FAM149A: variants seen among roughly 807,000 people sequenced by gnomAD.
FAM149A encodes the protein protein FAM149A.
A neutral mutation model predicts 78.2 loss-of-function variants in FAM149A; 71 were observed. The observed-to-expected ratio is 0.91, with a 90% confidence interval of 0.75 to 1.11. The LOEUF (loss-of-function observed/expected upper bound fraction) is 1.11, where lower values mean the gene tolerates loss of function less well. Ranked by LOEUF, FAM149A falls within the 50% of genes least tolerant of loss-of-function variation. FAM149A has a pLI of 0.00. For missense variants in FAM149A, 1,036 were observed against 971.0 expected (o/e 1.07, Z -0.89); for synonymous variants, 446 against 410.5 (o/e 1.09, Z -1.04).
intron 1 of FAM149A, chr4:186,109,522 T>C (rs1052782959): frequency 1.0e-6 from 1 of 985,286 alleles, no homozygotes; most frequent in Non-Finnish European, 1.2e-6. Context: ...AACCGATTGC[T>C]AGCTGAGTAA....
chr4:186,171,245 C>T (rs4862655), intron 13 of FAM149A: 60,508 of 152,290 alleles, frequency 0.4, 14,526 homozygotes, highest in Non-Finnish European at 0.55. Flanking sequence ...GCATCCAACA[C>T]GGCCCGGCTC....
chr4:186,109,663 TAAA>T (rs909218278), intron 1 of FAM149A: 6 of 984,206 alleles, frequency 6.1e-6, no homozygotes, highest in Non-Finnish European at 2.4e-6. Context: ...GGAGAAATGC[TAAA>T]AAAGTGTTAT....
chr4:186,169,605 C>T (rs558710128), intron 13 of FAM149A: 26 of 985,432 alleles, frequency 2.6e-5, no homozygotes, highest in East Asian at 1.1e-4. Context: ...CAGCACACCA[C>T]GATCTAATAG....
intron 1 of FAM149A, chr4:186,109,812 C>CT: frequency 1.0e-6 from 1 of 985,094 alleles, no homozygotes; most frequent in Non-Finnish European, 1.2e-6. Context: ...TAAATGGTGT[C>CT]TTTTAGTTCA....
intron 1 of FAM149A, among the ~76,000 whole-genome samples, chr4:186,121,266 G>A (rs1311708904): frequency 6.6e-6 from 1 of 152,092 alleles, no homozygotes; most frequent in Non-Finnish European, 1.5e-5. Flanking sequence ...CTGCACGTCA[G>A]CATTTTCTTA....
At position 186,104,750 on chromosome 4, in the gene FAM149A, C is replaced by CGGGCGGT. The variant is rs2099308072; in HGVS notation, c.-321_-320insTGGGCGG. On this transcript the variant is annotated 5_prime_UTR_variant, in exon 1 of 14. Coordinates refer to ENST00000389354, the MANE Select transcript of FAM149A (RefSeq NM_001367768.3). ...TGTTGAACGTAGCAACCGCGGGCGG[C>CGGGCGGT]GGGCGGCGGGCGGCGGGCGTCTGGG... Among the ~76,000 whole-genome samples the CGGGCGGT allele has an allele frequency of 9.7e-6, 1 of 102,966 alleles. No homozygotes were observed. 67.5% of individuals were successfully genotyped at this position (102,966 alleles called of 152,430 possible).
intron 11 of FAM149A, among the ~76,000 whole-genome samples, chr4:186,166,231 G>C (rs1293902784): frequency 6.6e-6 from 1 of 152,160 alleles, no homozygotes; most frequent in African/African-American, 2.4e-5. Flanking sequence ...CATAGTGAGA[G>C]AAAAACCCTA....
intron 1 of FAM149A, among the ~76,000 whole-genome samples, chr4:186,147,208 C>A (rs573284470): frequency 6.6e-6 from 1 of 152,182 alleles, no homozygotes; most frequent in African/African-American, 2.4e-5. Flanking sequence ...TATAGTGAGA[C>A]CCCATCTCTA....
intron 1 of FAM149A, chr4:186,130,257 T>C (rs1234566152): frequency 3.6e-5 from 2 of 55,936 alleles, no homozygotes; most frequent in African/African-American, 1.1e-4. Flanking sequence ...AATTGGACTT[T>C]ATGAAATCTC....
chr4:186,114,026 T>C (rs1483279790), intron 1 of FAM149A, among the ~76,000 whole-genome samples: 1 of 135,578 alleles, frequency 7.4e-6, no homozygotes, highest in Non-Finnish European at 1.6e-5. Context: ...TGTGTGGGAG[T>C]CTAAGTCTCT....
chr4:186,154,278 T>C (rs1733853707), intron 5 of FAM149A, among the ~76,000 whole-genome samples, 190 bp from the exon 6 acceptor site: 1 of 152,226 alleles, frequency 6.6e-6, no homozygotes, highest in African/African-American at 2.4e-5. Context: ...AAGAAGCCCT[T>C]AAAATGTTTA....
chr4:186,152,364 T>A (rs1278719021), intron 4 of FAM149A, among the ~76,000 whole-genome samples: 2 of 152,088 alleles, frequency 1.3e-5, no homozygotes, highest in African/African-American at 4.8e-5. Context: ...GCAGCACATG[T>A]CTGTCTTCAT....
chr4:186,158,454 A>G (rs1270510078), intron 8 of FAM149A: 1 of 1,143,342 alleles, frequency 8.7e-7, no homozygotes, highest in Non-Finnish European at 1.1e-6. Flanking sequence ...TCCCCCAGGA[A>G]CACCCATGGG....
rs1734016407 is a variant in FAM149A at position 186,156,087 on chromosome 4, T to C, written c.1317T>C (p.Cys439=). ...TTCCTCCTGTTTCCCCGCGTGACTG[T>C]GTCAAAGATGCCGTGGCAGCAGAAG... is the stretch of plus-strand genomic sequence containing the variant. Residue 439 remains cysteine (C), a synonymous_variant, in exon 7 of 14, where the codon TGT becomes TGC. Transcript: ENST00000389354. The C allele has an allele frequency of 1.2e-6, 2 of 1,613,970 alleles. No homozygotes were observed. The highest frequency in any genetic ancestry group is 1.3e-5 in the African/African-American group (1 of 75,034).
chr4:186,144,839 G>C lies in FAM149A; in HGVS notation c.567-4334G>C. On this transcript the variant is annotated intron_variant, in intron 1 of 13. Transcript: ENST00000389354. The surrounding 1 kb of genome is among the most constrained non-coding windows in gnomAD (Gnocchi z 4.2). Reference sequence around the variant, plus strand: ...AGGGGAGGCGGCGCCGGCGCGGGCGGGGCGGAGGATCTGGAGAGGGAAGGG... The same window carrying C: ...AGGGGAGGCGGCGCCGGCGCGGGCGCGGCGGAGGATCTGGAGAGGGAAGGG... 2 of 982,182 alleles carry C rather than the reference G, an allele frequency of 2.0e-6. No homozygotes were observed. The highest frequency in any genetic ancestry group is 2.4e-6 in the Non-Finnish European group (2 of 828,600). The allele number at this position is 982,182 out of a possible 1,614,324, so 60.8% of individuals were successfully genotyped here.
rs144797959 is a variant in FAM149A, at chr4:186,168,633, G to A, written c.2218+1371G>A. Among the ~76,000 whole-genome samples, 921 of 152,344 alleles carry A rather than the reference G, an allele frequency of 6.0e-3. 5 individuals are homozygous for A. Among genetic ancestry groups the A allele is most frequent in the Middle Eastern group, 0.041 (12 of 294 alleles). On this transcript the variant is annotated intron_variant, in intron 13 of 13. Transcript: ENST00000389354. ...GGCCTCCCAAAGTGCTGGGATTACA[G>A]GCATGAGCCACTGCGCCCAGCCCAG...
chr4:186,151,726 T>G, intron 3 of FAM149A, 177 bp from the exon 4 acceptor site: 2 of 985,352 alleles, frequency 2.0e-6, no homozygotes, highest in Non-Finnish European at 2.4e-6. Context: ...GAGATGGCAT[T>G]TCTCAGAAAG....
At position 186,174,078 on chromosome 4, in the gene FAM149A, A is replaced by C. The variant is rs150093881; in HGVS notation, c.*2091A>C. On this transcript the variant is annotated 3_prime_UTR_variant, in exon 14 of 14. Coordinates refer to ENST00000389354, the MANE Select transcript of FAM149A (RefSeq NM_001367768.3). ...TCCAACTCCTTCCCTATTCAGTCCA[A>C]ACTTCCTTTTTTTTTTTTTTTACTT... is the stretch of plus-strand genomic sequence containing the variant. 2.1e-5 allele frequency among the ~76,000 whole-genome samples: 2 copies of C among 94,692 alleles called. 1 individual carries two copies. The highest frequency in any genetic ancestry group is 8.6e-5 in the African/African-American group (2 of 23,184). The allele number at this position is 94,692 out of a possible 152,430, so 62.1% of individuals were successfully genotyped here.
At chr4:186,167,967 G>T (rs61445761) in intron 13 of FAM149A, among the ~76,000 whole-genome samples, 2 of 152,320 alleles carry the variant, frequency 1.3e-5, no homozygotes, top group African/African-American at 4.8e-5. Context: ...GATCTAGCTA[G>T]ATACCAGGCA....
Sources: allele counts gnomAD v4.1 joint callset (sites outside exome capture counted in the v4.1 genomes callset), GRCh38; gene constraint gnomAD v4.1.1; non-coding constraint Gnocchi (gnomAD v3.1); transcripts MANE v1.5; gene names NCBI Gene and HGNC (gene_info 2026-07-23, HGNC 2026-07-21).